The following OPCML variants were observed in gnomAD, a reference collection of about 807,000 sequenced individuals.
OPCML encodes opioid binding protein/cell adhesion molecule like.
Under a neutral mutation model 37.8 loss-of-function variants are expected in OPCML, and 13 were observed. That is an observed-to-expected ratio of 0.34 (90% CI 0.22 to 0.55). OPCML has a LOEUF of 0.55. Ranked by LOEUF, OPCML falls within the 20% of genes least tolerant of loss-of-function variation. OPCML has a pLI of 0.91. For synonymous variants in OPCML, 176 were observed against 168.8 expected (o/e 1.04, Z -0.33); for missense variants, 341 against 435.6 (o/e 0.78, Z 1.93).
At chr11:132,881,903 AG>A (rs1302814938) in intron 2 of OPCML, among the ~76,000 whole-genome samples, 1 of 152,250 alleles carries the variant, frequency 6.6e-6, no homozygotes, top group Non-Finnish European at 1.5e-5. Flanking sequence ...TTGCATATTT[AG>A]CATACATTTG....
At chr11:133,126,067 CCATA>C (rs1248281532) in intron 1 of OPCML, among the ~76,000 whole-genome samples, 1 of 27,322 alleles carries the variant, frequency 3.7e-5, no homozygotes, top group African/African-American at 1.3e-4. Flanking sequence ...TATATATGTA[CCATA>C]CACACACACA....
intron 3 of OPCML, among the ~76,000 whole-genome samples, chr11:132,594,756 G>A (rs2096489878): frequency 6.6e-6 from 1 of 152,092 alleles, no homozygotes; most frequent in South Asian, 2.1e-4. Flanking sequence ...AATCTAAGCT[G>A]GTCAAATCTG....
In OPCML at chr11:133,159,452, A is replaced by C. The variant is rs149402045; in HGVS notation, c.62-216442T>G. 6.2e-3 allele frequency among the ~76,000 whole-genome samples: 946 copies of C among 152,336 alleles called. 4 individuals carry two copies. Among genetic ancestry groups the C allele is most frequent in the Non-Finnish European group, 9.2e-3 (629 of 68,032 alleles). On this transcript the variant is annotated intron_variant, in intron 1 of 7. Transcript: ENST00000524381. ...TCCCACAGGGTATTTGCTCTGCACC[A>C]AGACTGACAGAGGGGCCACTAAATG...
At chr11:132,952,559 TC>T (rs1445656736) in intron 1 of OPCML, among the ~76,000 whole-genome samples, 1 of 152,198 alleles carries the variant, frequency 6.6e-6, no homozygotes, top group African/African-American at 2.4e-5. Flanking sequence ...GACCCTTAAA[TC>T]CCAACCTGCT....
intron 4 of OPCML, among the ~76,000 whole-genome samples, chr11:132,528,195 C>A (rs996151522): frequency 6.7e-6 from 1 of 148,914 alleles, no homozygotes; most frequent in African/African-American, 2.6e-5. Flanking sequence ...AAAGCTTTGT[C>A]TTTCTCAATA....
At chr11:132,615,575 T>C (rs1489880854) in intron 3 of OPCML, among the ~76,000 whole-genome samples, 2 of 152,152 alleles carry the variant, frequency 1.3e-5, no homozygotes, top group East Asian at 3.8e-4. Context: ...CTATGTAGCA[T>C]TTACATTTAT....
At chr11:132,649,056 G>A (rs1302960342) in intron 3 of OPCML, among the ~76,000 whole-genome samples, 2 of 152,162 alleles carry the variant, frequency 1.3e-5, no homozygotes, top group East Asian at 1.9e-4. Flanking sequence ...AACTGTGTGA[G>A]CGTGTGTGTG....
chr11:132,703,890 A>G (rs1943931539), intron 2 of OPCML, among the ~76,000 whole-genome samples: 1 of 152,092 alleles, frequency 6.6e-6, no homozygotes, highest in Admixed American at 6.5e-5. Context: ...TGGCATCTGG[A>G]TTTGCAAGGA....
intron 1 of OPCML, among the ~76,000 whole-genome samples, chr11:132,964,402 G>A (rs1168880089): frequency 1.3e-5 from 2 of 152,238 alleles, no homozygotes; most frequent in East Asian, 3.9e-4. Flanking sequence ...TCAGATGTGG[G>A]TTCAAATCCT....
chr11:133,049,066 T>C (rs1470302599), intron 1 of OPCML, among the ~76,000 whole-genome samples: 1 of 152,232 alleles, frequency 6.6e-6, no homozygotes, highest in Non-Finnish European at 1.5e-5. Flanking sequence ...CTTAGCACTA[T>C]GGATACAGCA....
rs1054071505 is a variant in OPCML at position 133,249,579 on chromosome 11, C to T, written c.61+282685G>A. ...TCTCTGCTCCGGAGTGGGCATTTTACGACAGGGTTGAGACACCAAGACAAA... is the reference window on the plus strand; with the variant it reads ...TCTCTGCTCCGGAGTGGGCATTTTATGACAGGGTTGAGACACCAAGACAAA... On this transcript the variant is annotated intron_variant, in intron 1 of 7. Transcript: ENST00000524381. Among the ~76,000 whole-genome samples the T allele has an allele frequency of 5.9e-5, 9 of 152,240 alleles. 1 individual carries two copies. The South Asian group carries it at 1.5e-3, about 25-fold the overall frequency.
intron 2 of OPCML, among the ~76,000 whole-genome samples, chr11:132,883,567 A>T (rs1036018729): frequency 6.6e-6 from 1 of 152,142 alleles, no homozygotes; most frequent in African/African-American, 2.4e-5. Context: ...ATGAAACATG[A>T]TTTTATTTAG....
chr11:133,368,093 G>A (rs1944587557), intron 1 of OPCML, among the ~76,000 whole-genome samples: 1 of 152,182 alleles, frequency 6.6e-6, no homozygotes, highest in African/African-American at 2.4e-5. Context: ...TATAATTTCT[G>A]TGGTGTTGCT....
intron 2 of OPCML, among the ~76,000 whole-genome samples, chr11:132,694,527 T>G (rs1218370160): frequency 2.6e-5 from 4 of 152,164 alleles, no homozygotes; most frequent in Non-Finnish European, 5.9e-5. Flanking sequence ...AAATGTTTGA[T>G]GAGTGCTTAC....
Position 132,569,840 on chromosome 11 carries a change from C to A in OPCML, c.380-40654G>T, listed in dbSNP as rs117061178. Among the ~76,000 whole-genome samples the A allele has an allele frequency of 2.5e-3, 383 of 151,834 alleles. 1 individual carries two copies. Among genetic ancestry groups the A allele is most frequent in the Non-Finnish European group, 4.3e-3 (294 of 67,950 alleles). On this transcript the variant is annotated intron_variant, in intron 3 of 7. Coordinates refer to ENST00000524381, the MANE Select transcript of OPCML (RefSeq NM_001012393.5). ...AAAACAACCAATTTATAATTCTATA[C>A]CCAGCTTTAATATCAATTAAGAGGG...
At chr11:132,742,584 T>C (rs1332443759) in intron 2 of OPCML, among the ~76,000 whole-genome samples, 3 of 152,046 alleles carry the variant, frequency 2.0e-5, no homozygotes, top group Admixed American at 2.0e-4. Context: ...ATGCCTGCTA[T>C]CTAAGCCACT....
At chr11:132,567,416 G>A (rs921480011) in intron 3 of OPCML, among the ~76,000 whole-genome samples, 7 of 152,160 alleles carry the variant, frequency 4.6e-5, no homozygotes, top group African/African-American at 9.7e-5. Context: ...TGCTCCTTTT[G>A]TCACCATGTC....
chr11:133,519,490 C>T (rs1025736893), intron 1 of OPCML, among the ~76,000 whole-genome samples: 1 of 152,124 alleles, frequency 6.6e-6, no homozygotes, highest in Non-Finnish European at 1.5e-5. Flanking sequence ...TCCCAGATGT[C>T]ACCACCAAAA....
intron 1 of OPCML, among the ~76,000 whole-genome samples, chr11:133,186,513 C>T (rs1320041388): frequency 3.9e-4 from 31 of 78,950 alleles, no homozygotes; most frequent in Non-Finnish European, 2.0e-4. Context: ...AAGGCGGGGG[C>T]GGGGGGAAGA....
Sources: allele counts gnomAD v4.1 joint callset (sites outside exome capture counted in the v4.1 genomes callset), GRCh38; gene constraint gnomAD v4.1.1; transcripts MANE v1.5; gene names NCBI Gene and HGNC (gene_info 2026-07-23, HGNC 2026-07-21).